LRRTM4: variants seen among roughly 807,000 people sequenced by gnomAD.
The protein encoded by LRRTM4 is leucine-rich repeat transmembrane neuronal protein 4.
LRRTM4 carries 25 observed loss-of-function variants against 47.6 expected under a neutral mutation model. That is an observed-to-expected ratio of 0.53 (90% CI 0.38 to 0.73). The LOEUF (loss-of-function observed/expected upper bound fraction) is 0.73, where lower values mean the gene tolerates loss of function less well. Ranked by LOEUF, LRRTM4 falls within the 30% of genes least tolerant of loss-of-function variation. The pLI, the probability that LRRTM4 is intolerant of heterozygous loss-of-function variation, is 0.00. For missense variants in LRRTM4, 638 were observed against 713.4 expected (o/e 0.89, Z 1.20); for synonymous variants, 311 against 269.5 (o/e 1.15, Z -1.51).
chr2:76,822,805 T>C (rs1671090615), intron 3 of LRRTM4, among the ~76,000 whole-genome samples: 1 of 151,510 alleles, frequency 6.6e-6, no homozygotes, highest in Non-Finnish European at 1.5e-5. Context: ...ATTTATTATT[T>C]ATTTATTTAT....
intron 3 of LRRTM4, among the ~76,000 whole-genome samples, chr2:76,839,029 G>A (rs1671596768): frequency 6.6e-6 from 1 of 152,076 alleles, no homozygotes; most frequent in Admixed American, 6.6e-5. Flanking sequence ...TACCATTATA[G>A]GAGCCAGATT....
rs73942711 is a variant in LRRTM4, at chr2:77,410,145, T to A, written c.1551+108173A>T. On this transcript the variant is annotated intron_variant, in intron 3 of 3. Transcript: ENST00000409884. The stretch of plus-strand genomic sequence containing the variant: ...TATTTGAGAAGAAAAAACAAACAAG[T>A]CTTAGAGGCTTTTAAATAAAATATA... 4.8e-3 allele frequency among the ~76,000 whole-genome samples: 729 copies of A among 152,134 alleles called. 6 individuals carry two copies. Among genetic ancestry groups the A allele is most frequent in the African/African-American group, 0.017 (696 of 41,524 alleles).
At chr2:77,356,552 T>G (rs761424865) in intron 3 of LRRTM4, among the ~76,000 whole-genome samples, 97 of 152,154 alleles carry the variant, frequency 6.4e-4, no homozygotes, top group African/African-American at 2.2e-3. Context: ...GTGGTTAAAA[T>G]CGAGTACAGG....
intron 3 of LRRTM4, among the ~76,000 whole-genome samples, chr2:76,924,590 A>G (rs1186845266): frequency 6.6e-6 from 1 of 152,140 alleles, no homozygotes; most frequent in African/African-American, 2.4e-5. Flanking sequence ...CTGGTATAAT[A>G]CTTCTTTTAA....
intron 3 of LRRTM4, among the ~76,000 whole-genome samples, chr2:77,300,892 G>A (rs757711527): frequency 6.6e-6 from 1 of 152,014 alleles, no homozygotes; most frequent in Non-Finnish European, 1.5e-5. Context: ...GAAGATGTAA[G>A]TCATTAAGGT....
intron 3 of LRRTM4, among the ~76,000 whole-genome samples, chr2:76,822,360 A>T (rs1671077263): frequency 6.6e-6 from 1 of 151,544 alleles, no homozygotes. Flanking sequence ...GAAAACAGAA[A>T]TAAACATAAA....
intron 3 of LRRTM4, among the ~76,000 whole-genome samples, chr2:77,299,933 C>T (rs530119202): frequency 1.8e-4 from 27 of 148,028 alleles, no homozygotes; most frequent in African/African-American, 4.8e-4. Flanking sequence ...CTCACTGCAA[C>T]CTCCGCCTCC....
chr2:76,915,719 C>A (rs986911187), intron 3 of LRRTM4, among the ~76,000 whole-genome samples: 23 of 151,632 alleles, frequency 1.5e-4, no homozygotes, highest in Non-Finnish European at 3.2e-4. Flanking sequence ...TCTCTTTGAG[C>A]AAATAAGTAA....
intron 3 of LRRTM4, among the ~76,000 whole-genome samples, chr2:76,991,931 T>C (rs925240257): frequency 6.6e-6 from 1 of 151,844 alleles, no homozygotes; most frequent in Non-Finnish European, 1.5e-5. Flanking sequence ...AAAAAGTTAA[T>C]TCACCACAAT....
At chr2:77,417,041 T>G (rs1040189097) in intron 3 of LRRTM4, among the ~76,000 whole-genome samples, 1 of 151,632 alleles carries the variant, frequency 6.6e-6, no homozygotes, top group Non-Finnish European at 1.5e-5. Context: ...TCCAACAAAT[T>G]TACAAGAAAA....
intron 3 of LRRTM4, among the ~76,000 whole-genome samples, chr2:77,124,954 G>C (rs1304035831): frequency 6.6e-6 from 1 of 152,164 alleles, no homozygotes; most frequent in Non-Finnish European, 1.5e-5. Context: ...AGCATTCTGA[G>C]CCTAGTTAAG....
intron 3 of LRRTM4, among the ~76,000 whole-genome samples, chr2:76,948,486 CA>C (rs2103880173): frequency 6.6e-6 from 1 of 151,834 alleles, no homozygotes; most frequent in South Asian, 2.1e-4. Flanking sequence ...CATCTCTTTT[CA>C]TATTTTTTTG....
At chr2:77,039,511 T>G (rs766941478) in intron 3 of LRRTM4, among the ~76,000 whole-genome samples, 2 of 151,294 alleles carry the variant, frequency 1.3e-5, no homozygotes, top group African/African-American at 2.4e-5. Context: ...CATTTAGGAC[T>G]AGCAGTAAGA....
At chr2:76,794,654 G>GTTTATTTTCTTCTTA (rs1675169302) in intron 3 of LRRTM4, among the ~76,000 whole-genome samples, 1 of 151,696 alleles carries the variant, frequency 6.6e-6, no homozygotes, top group African/African-American at 2.4e-5. Context: ...ACATTTTTTT[G>GTTTATTTTCTTCTTA]TTTATTTTCT....
At chr2:77,291,363 A>T (rs1036649628) in intron 3 of LRRTM4, among the ~76,000 whole-genome samples, 5 of 152,138 alleles carry the variant, frequency 3.3e-5, no homozygotes, top group Non-Finnish European at 5.9e-5. Context: ...CAAAGATCTT[A>T]GTATTAATTT....
At chr2:76,748,998 GTTCTC>G (rs1672753307) in intron 3 of LRRTM4, 82 bp from the exon 4 acceptor site, 1 of 1,158,056 alleles carries the variant, frequency 8.6e-7, no homozygotes, top group Non-Finnish European at 1.3e-6. Context: ...TTGTATTTTT[GTTCTC>G]TTTCATGCTG....
At chr2:77,046,505 G>A (rs573062714) in intron 3 of LRRTM4, among the ~76,000 whole-genome samples, 1 of 152,088 alleles carries the variant, frequency 6.6e-6, no homozygotes, top group East Asian at 1.9e-4. Context: ...AATCTTGGCA[G>A]ACAGTCTCAA....
intron 3 of LRRTM4, among the ~76,000 whole-genome samples, chr2:76,919,230 G>C (rs1006213714): frequency 6.6e-6 from 1 of 152,134 alleles, no homozygotes; most frequent in African/African-American, 2.4e-5. Context: ...TAACACCTTT[G>C]TGAGTCAACT....
At chr2:76,783,707 A>G (rs1385954682) in intron 3 of LRRTM4, among the ~76,000 whole-genome samples, 1 of 152,208 alleles carries the variant, frequency 6.6e-6, no homozygotes, top group South Asian at 2.1e-4. Context: ...TGAATTTCAC[A>G]ATACCATTTG....
Sources: gnomAD v4.1 joint callset for allele counts (sites outside exome capture counted in the v4.1 genomes callset) on GRCh38, gnomAD v4.1.1 for gene constraint, MANE v1.5 for transcripts, NCBI Gene and HGNC (gene_info 2026-07-23, HGNC 2026-07-21) for gene names.